The following LINGO1 variants were observed in gnomAD, a reference collection of about 807,000 sequenced individuals.
LINGO1 encodes the protein leucine rich repeat and Ig domain containing 1, also known as leucine-rich repeat and immunoglobulin-like domain-containing nogo receptor-interacting protein 1.
LINGO1 carries 11 observed loss-of-function variants against 37.3 expected under a neutral mutation model. That is an observed-to-expected ratio of 0.29 (90% CI 0.19 to 0.49). The LOEUF is 0.49. Ranked by LOEUF, LINGO1 falls within the 20% of genes least tolerant of loss-of-function variation. LINGO1 has a pLI of 0.99. For missense variants in LINGO1, 585 were observed against 878.2 expected, an observed-to-expected ratio of 0.67 and a Z score of 4.22; for synonymous variants, 387 against 403.0, an observed-to-expected ratio of 0.96 and a Z score of 0.48.
chr15:77,732,242 C>T (rs994146098), intron 2 of LINGO1, among the ~76,000 whole-genome samples: 58 of 152,194 alleles, frequency 3.8e-4, no homozygotes, highest in African/African-American at 1.3e-3. Context: ...ATGCCCAGGA[C>T]CAGAGGGCTG....
At position 77,778,973 on chromosome 15, in the gene LINGO1, C is replaced by T. The variant is rs533278488; in HGVS notation, c.-257+7896G>A. Among the ~76,000 whole-genome samples, 4 of 152,270 alleles carry T rather than the reference C, an allele frequency of 2.6e-5. No homozygotes were observed. The East Asian group carries it at 5.8e-4, about 22-fold the overall frequency. On this transcript the variant is annotated intron_variant, in intron 1 of 3. Coordinates refer to the LINGO1 transcript ENST00000561686. ...CCCCTCTCTTACCACTCACGCCCAC[C>T]GCCTTCTCCACCCATTCTGGCCTCC...
chr15:77,778,500 C>T (rs898873686), intron 1 of LINGO1, among the ~76,000 whole-genome samples: 1 of 152,190 alleles, frequency 6.6e-6, no homozygotes, highest in African/African-American at 2.4e-5. Flanking sequence ...AGCTGAGTGC[C>T]TCATTTCACC....
intron 3 of LINGO1, among the ~76,000 whole-genome samples, chr15:77,667,290 C>T (rs1055625642): frequency 7.9e-5 from 12 of 152,218 alleles, no homozygotes; most frequent in African/African-American, 2.4e-4. Flanking sequence ...TGCTCTCCCA[C>T]CTCCGGCTAT....
chr15:77,752,680 G>C (rs181540253), intron 1 of LINGO1, among the ~76,000 whole-genome samples: 2 of 152,180 alleles, frequency 1.3e-5, no homozygotes, highest in African/African-American at 4.8e-5. Flanking sequence ...GTAGGGGCTC[G>C]GATTCTGACA....
At chr15:77,756,551 C>G (rs575890451) in intron 1 of LINGO1, among the ~76,000 whole-genome samples, 167 of 152,204 alleles carry the variant, frequency 1.1e-3, no homozygotes, top group Non-Finnish European at 1.7e-3. Context: ...TAAACATACA[C>G]ATACATACCA....
Position 77,615,239 on chromosome 15 carries a change from C to T in LINGO1, c.668G>A (p.Arg223Gln), listed in dbSNP as rs376324371. 1.4e-5 allele frequency: 23 copies of T among 1,613,620 alleles called. No individual in the cohort carries two copies. Among genetic ancestry groups the T allele is most frequent in the East Asian group, 4.5e-5 (2 of 44,856 alleles). The change falls in exon 2 of 2, where the codon CGG (arginine) becomes CAG (glutamine). Residue 223 changes from arginine (R) to glutamine (Q), a missense_variant. This residue lies in a region of LINGO1 where 484 missense variants were observed against 735.0 expected (regional missense o/e 0.66). Transcript: ENST00000355300. The part of the protein sequence containing the change: ...HLHGLIVLRL[R>Q]HLNINAIRDY... ...CCGGATGGCATTGATGTTGAGGTGCCGGAGCCTCAGGACGATGAGGCCGTG... is the reference window on the plus strand; with the variant it reads ...CCGGATGGCATTGATGTTGAGGTGCTGGAGCCTCAGGACGATGAGGCCGTG...
intron 1 of LINGO1, among the ~76,000 whole-genome samples, chr15:77,774,857 C>T (rs557538545): frequency 6.6e-5 from 10 of 152,300 alleles, no homozygotes; most frequent in Admixed American, 2.0e-4. Flanking sequence ...GAGCTGGACT[C>T]GGCAACCAGC....
intron 3 of LINGO1, among the ~76,000 whole-genome samples, chr15:77,657,697 T>TC (rs985826027): frequency 3.3e-5 from 5 of 151,946 alleles, no homozygotes; most frequent in African/African-American, 1.2e-4. Context: ...CCAAGCTGCT[T>TC]CCTCTGAGGA....
chr15:77,659,101 A>G lies in LINGO1; in HGVS notation c.-13+17988T>C, dbSNP rs1017138349. Among the ~76,000 whole-genome samples the G allele has an allele frequency of 3.3e-5, 5 of 152,138 alleles. No individual in the cohort carries two copies. In the South Asian group the frequency reaches 1.0e-3, roughly 32 times the overall value. ...AGAAGCTGGCTGGGACTAGATCTGAAGCTTCCTCAGGGAGCTGGGACTTCA... is the reference window on the plus strand; with the variant it reads ...AGAAGCTGGCTGGGACTAGATCTGAGGCTTCCTCAGGGAGCTGGGACTTCA... On this transcript the variant is annotated intron_variant, in intron 3 of 3. Coordinates refer to the LINGO1 transcript ENST00000559893.
chr15:77,733,032 T>C (rs1161078612), intron 2 of LINGO1, among the ~76,000 whole-genome samples: 1 of 152,148 alleles, frequency 6.6e-6, no homozygotes, highest in Non-Finnish European at 1.5e-5. Context: ...GAAGCCTGTG[T>C]CTGTAGATCC....
At chr15:77,674,850 C>T (rs760128860) in intron 3 of LINGO1, among the ~76,000 whole-genome samples, 3 of 151,940 alleles carry the variant, frequency 2.0e-5, no homozygotes, top group Non-Finnish European at 2.9e-5. Flanking sequence ...TCCATCACAG[C>T]TTACATTCCT....
chr15:77,770,451 G>T (rs1385450322), intron 1 of LINGO1, among the ~76,000 whole-genome samples: 2 of 152,112 alleles, frequency 1.3e-5, no homozygotes, highest in African/African-American at 4.8e-5. Flanking sequence ...GTCAGGCGAG[G>T]TGGTGCATGC....
At chr15:77,724,615 T>G (rs2076084280) in intron 2 of LINGO1, among the ~76,000 whole-genome samples, 1 of 152,006 alleles carries the variant, frequency 6.6e-6, no homozygotes, top group African/African-American at 2.4e-5. Context: ...ATCTGTGAAG[T>G]GGAGATAATA....
intron 3 of LINGO1, among the ~76,000 whole-genome samples, chr15:77,665,217 G>A (rs546418515): frequency 5.8e-4 from 89 of 152,348 alleles, no homozygotes; most frequent in African/African-American, 2.1e-3. Flanking sequence ...TCCTCTGCCA[G>A]CACTCAAGGC....
intron 1 of LINGO1, among the ~76,000 whole-genome samples, chr15:77,770,176 T>TGCCTTC (rs2076569985): frequency 2.0e-5 from 3 of 152,072 alleles, no homozygotes; most frequent in Admixed American, 2.0e-4. Context: ...CCGAAACCAA[T>TGCCTTC]GCCTTCTTTC....
upstream of LINGO1, among the ~76,000 whole-genome samples, chr15:77,790,428 C>G (rs117115795): frequency 6.6e-6 from 1 of 152,272 alleles, no homozygotes; most frequent in Non-Finnish European, 1.5e-5. Flanking sequence ...CTAAAGCTCT[C>G]GACACCTGTA....
chr15:77,706,415 T>A (rs1264409255), intron 2 of LINGO1, among the ~76,000 whole-genome samples: 1 of 152,194 alleles, frequency 6.6e-6, no homozygotes, highest in Non-Finnish European at 1.5e-5. Flanking sequence ...CCTTCCCTGC[T>A]TAAAACCCTC....
intron 2 of LINGO1, among the ~76,000 whole-genome samples, chr15:77,720,032 G>A (rs571297085): frequency 6.7e-6 from 1 of 150,144 alleles, no homozygotes; most frequent in Non-Finnish European, 1.5e-5. Flanking sequence ...CTCCCTGGCA[G>A]TGAAGCCCCT....
intron 1 of LINGO1, among the ~76,000 whole-genome samples, chr15:77,814,054 G>A (rs2077029254): frequency 6.6e-6 from 1 of 152,004 alleles, no homozygotes; most frequent in Admixed American, 6.5e-5. Context: ...TACAGCAGAT[G>A]CTGCCTCATT....
Sources: gnomAD v4.1 joint callset for allele counts (sites outside exome capture counted in the v4.1 genomes callset) on GRCh38, gnomAD v4.1.1 for gene constraint, gnomAD v4.1.1 regional missense constraint, MANE v1.5 for transcripts, NCBI Gene and HGNC (gene_info 2026-07-23, HGNC 2026-07-21) for gene names.